TRDN: variants seen among roughly 807,000 people sequenced by gnomAD.
The protein encoded by TRDN is triadin.
A neutral mutation model predicts 149.7 loss-of-function variants in TRDN; 161 were observed. That is an observed-to-expected ratio of 1.08 (90% confidence interval 0.95 to 1.23). The LOEUF (loss-of-function observed/expected upper bound fraction) is 1.23. Among genes scored for constraint, TRDN ranks in the 50% most tolerant of loss-of-function variants. The probability of loss-of-function intolerance (pLI) is 0.00; values close to 1 mark genes in which losing one functional copy is unlikely to be tolerated. For synonymous variants in TRDN, 294 were observed against 250.5 expected (o/e 1.17, Z -1.64); for missense variants, 896 against 823.5 (o/e 1.09, Z -1.08).
At chr6:123,546,427 T>C (rs540765057) in intron 4 of TRDN, among the ~76,000 whole-genome samples, 4 of 152,062 alleles carry the variant, frequency 2.6e-5, no homozygotes, top group African/African-American at 4.8e-5. Flanking sequence ...AGGCTGAAAC[T>C]GTAAGTTTGG....
At chr6:123,273,314 TA>T in intron 28 of TRDN, 22 bp downstream of exon 28, 1 of 1,083,766 alleles carries the variant, frequency 9.2e-7, no homozygotes, top group Non-Finnish European at 1.3e-6. Context: ...AGTCTAAGCA[TA>T]AAAGATAAAA....
intron 10 of TRDN, among the ~76,000 whole-genome samples, chr6:123,456,175 TG>T (rs1255074394): frequency 6.6e-6 from 1 of 152,206 alleles, no homozygotes; most frequent in Non-Finnish European, 1.5e-5. Context: ...GGGACACATG[TG>T]TAAGTCTGAT....
chr6:123,590,208 G>A (rs1164923357), intron 1 of TRDN, among the ~76,000 whole-genome samples: 1 of 152,104 alleles, frequency 6.6e-6, no homozygotes, highest in Non-Finnish European at 1.5e-5. Flanking sequence ...TCCAGGGCTT[G>A]CATTACCGCC....
chr6:123,306,312 AGAC>A (rs1262161060), intron 24 of TRDN, among the ~76,000 whole-genome samples: 2 of 152,150 alleles, frequency 1.3e-5, no homozygotes, highest in African/African-American at 4.8e-5. Context: ...CATGGGACAG[AGAC>A]AACTAGGACA....
At chr6:123,306,934 T>C (rs1220556360) in intron 24 of TRDN, among the ~76,000 whole-genome samples, 7 of 152,124 alleles carry the variant, frequency 4.6e-5, no homozygotes, top group African/African-American at 1.7e-4. Flanking sequence ...TATGCTATGC[T>C]AAAAATAAAT....
chr6:123,624,335 A>G (rs1040364541), intron 1 of TRDN, among the ~76,000 whole-genome samples: 58 of 152,124 alleles, frequency 3.8e-4, no homozygotes, highest in Non-Finnish European at 5.1e-4. Context: ...CCAACAAGAC[A>G]CTTCAAATCC....
At chr6:123,273,516 A>G (rs528665985) in intron 27 of TRDN, among the ~76,000 whole-genome samples, 153 bp from the exon 28 acceptor site, 37 of 152,180 alleles carry the variant, frequency 2.4e-4, no homozygotes, top group African/African-American at 8.4e-4. Context: ...ACTGGCAAAA[A>G]TACAAAATGC....
At chr6:123,480,524 G>A (rs1200103123) in intron 9 of TRDN, among the ~76,000 whole-genome samples, 1 of 152,000 alleles carries the variant, frequency 6.6e-6, no homozygotes, top group Non-Finnish European at 1.5e-5. Flanking sequence ...CATTGAATAC[G>A]TCATAGCCTC....
intron 10 of TRDN, among the ~76,000 whole-genome samples, chr6:123,443,766 T>C (rs2114617379): frequency 6.7e-6 from 1 of 148,820 alleles, no homozygotes; most frequent in South Asian, 2.1e-4. Context: ...GCACCATTTA[T>C]TAAATAGGGA....
intron 21 of TRDN, among the ~76,000 whole-genome samples, chr6:123,344,594 T>G (rs1025917247): frequency 1.3e-5 from 2 of 152,078 alleles, no homozygotes; most frequent in Non-Finnish European, 2.9e-5. Context: ...TATGTATTTT[T>G]ATGGCTTGAC....
intron 14 of TRDN, 88 bp downstream of exon 14, chr6:123,388,434 T>C: frequency 2.8e-6 from 4 of 1,416,882 alleles, no homozygotes; most frequent in Non-Finnish European, 3.9e-6. Flanking sequence ...CCAAGGGGAA[T>C]ATAGACAGAA....
chr6:123,516,272 G>T, intron 5 of TRDN, 66 bp from the exon 6 acceptor site: 1 of 1,341,530 alleles, frequency 7.5e-7, no homozygotes, highest in South Asian at 1.7e-5. Context: ...TGTTTGCACG[G>T]CAGTCTTTGA....
intron 38 of TRDN, among the ~76,000 whole-genome samples, chr6:123,231,999 G>A (rs1231986057): frequency 1.3e-5 from 2 of 152,024 alleles, no homozygotes; most frequent in African/African-American, 4.8e-5. Flanking sequence ...AAAGGGCGAA[G>A]TTAGGAATTG....
At chr6:123,350,583 T>C in intron 21 of TRDN, 2 of 717,740 alleles carry the variant, frequency 2.8e-6, no homozygotes, top group South Asian at 6.4e-5. Flanking sequence ...GGACAATTTA[T>C]AGAATGTCAT....
intron 19 of TRDN, among the ~76,000 whole-genome samples, chr6:123,370,819 C>T (rs770021568): frequency 1.8e-4 from 27 of 150,410 alleles, no homozygotes; most frequent in South Asian, 6.3e-4. Context: ...TCTTTTGATA[C>T]GTTTATAGAA....
intron 9 of TRDN, among the ~76,000 whole-genome samples, chr6:123,482,277 T>C (rs1278516863): frequency 1.3e-5 from 2 of 152,208 alleles, no homozygotes; most frequent in African/African-American, 4.8e-5. Flanking sequence ...TTAATAAAGA[T>C]GAGAAAACTT....
chr6:123,231,170 C>A (rs1775586346), intron 38 of TRDN, among the ~76,000 whole-genome samples: 1 of 151,908 alleles, frequency 6.6e-6, no homozygotes, highest in Admixed American at 6.6e-5. Flanking sequence ...GCTCTGTGCC[C>A]TGGAGGAACC....
intron 24 of TRDN, among the ~76,000 whole-genome samples, chr6:123,288,461 G>T (rs1326748452): frequency 6.6e-6 from 1 of 151,950 alleles, no homozygotes; most frequent in Non-Finnish European, 1.5e-5. Context: ...GGAATGGGAG[G>T]TAATATTGGT....
At chr6:123,334,851 A>C (rs1325428105) in intron 22 of TRDN, among the ~76,000 whole-genome samples, 1 of 152,054 alleles carries the variant, frequency 6.6e-6, no homozygotes, top group Non-Finnish European at 1.5e-5. Flanking sequence ...TCCTTGTAAT[A>C]ATGCTGGTTT....
Sources: allele counts gnomAD v4.1 joint callset (sites outside exome capture counted in the v4.1 genomes callset), GRCh38; gene constraint gnomAD v4.1.1; transcripts MANE v1.5; gene names NCBI Gene and HGNC (gene_info 2026-07-23, HGNC 2026-07-21).